FNIP1: variants seen among roughly 807,000 people sequenced by gnomAD.
The protein encoded by FNIP1 is folliculin-interacting protein 1.
A neutral mutation model predicts 124.5 loss-of-function variants in FNIP1; 40 were observed. The observed-to-expected ratio is 0.32, with a 90% CI of 0.25 to 0.42. FNIP1 has a LOEUF of 0.42. Among genes scored for constraint, FNIP1 ranks in the 10% least tolerant of loss-of-function variants. FNIP1 has a pLI of 1.00. For synonymous variants in FNIP1, 472 were observed against 470.6 expected (o/e 1.00, Z -0.04); for missense variants, 1,176 against 1,403.7 (o/e 0.84, Z 2.59).
At chr5:131,727,845 T>C (rs2149548113) in intron 3 of FNIP1, among the ~76,000 whole-genome samples, 1 of 152,388 alleles carries the variant, frequency 6.6e-6, no homozygotes, top group South Asian at 2.1e-4. Flanking sequence ...TAGTGCTTCC[T>C]TCAGGAGCTC....
chr5:131,717,616 T>TAAG (rs1483444906), intron 5 of FNIP1, among the ~76,000 whole-genome samples: 2 of 152,170 alleles, frequency 1.3e-5, no homozygotes, highest in Admixed American at 6.5e-5. Context: ...TACTGTAATA[T>TAAG]ATTACAAATA....
At chr5:131,771,662 TAAAGAA>T (rs1771636785) in intron 1 of FNIP1, among the ~76,000 whole-genome samples, 1 of 152,154 alleles carries the variant, frequency 6.6e-6, no homozygotes, top group East Asian at 1.9e-4. Context: ...CCTTTTACCT[TAAAGAA>T]AAAAGCGTTC....
chr5:131,750,288 G>A (rs552715958), intron 1 of FNIP1, among the ~76,000 whole-genome samples: 45 of 152,210 alleles, frequency 3.0e-4, no homozygotes, highest in Middle Eastern at 3.4e-3. Flanking sequence ...GAGGCAGTAC[G>A]GTCAAAGTGC....
chr5:131,734,771 A>G (rs1195980281), intron 2 of FNIP1, among the ~76,000 whole-genome samples: 2 of 152,170 alleles, frequency 1.3e-5, no homozygotes, highest in Non-Finnish European at 2.9e-5. Context: ...GATATCTCAC[A>G]CCAGTTAGAA....
intron 6 of FNIP1, among the ~76,000 whole-genome samples, chr5:131,714,424 A>C (rs1769399552): frequency 6.6e-6 from 1 of 152,130 alleles, no homozygotes; most frequent in South Asian, 2.1e-4. Context: ...CAAACCGTTA[A>C]AAAAAACAGG....
chr5:131,657,656 G>A (rs1265372993), intron 15 of FNIP1, among the ~76,000 whole-genome samples: 1 of 129,200 alleles, frequency 7.7e-6, no homozygotes, highest in Non-Finnish European at 1.6e-5. Flanking sequence ...TCCAGCTGGA[G>A]AAAACTGTGT....
At chr5:131,648,264 T>C (rs778650407) in intron 16 of FNIP1, among the ~76,000 whole-genome samples, 8 of 150,850 alleles carry the variant, frequency 5.3e-5, no homozygotes, top group Non-Finnish European at 1.0e-4. Context: ...TGAGGGTGCA[T>C]TGAGCCATGA....
chr5:131,681,604 C>A (rs1768082931), intron 11 of FNIP1, among the ~76,000 whole-genome samples: 1 of 151,258 alleles, frequency 6.6e-6, no homozygotes, highest in Non-Finnish European at 1.5e-5. Context: ...GGTAGAGAAT[C>A]TAATTTTCAA....
chr5:131,742,084 C>T (rs1042789869), intron 2 of FNIP1, among the ~76,000 whole-genome samples: 5 of 152,142 alleles, frequency 3.3e-5, no homozygotes, highest in African/African-American at 1.2e-4. Flanking sequence ...TTTTGCAAGG[C>T]TCACATTCTA....
At chr5:131,690,768 A>G (rs550561756) in intron 11 of FNIP1, among the ~76,000 whole-genome samples, 1 of 152,344 alleles carries the variant, frequency 6.6e-6, no homozygotes, top group Non-Finnish European at 1.5e-5. Context: ...TCAGAGATAA[A>G]GAGGGGCACT....
At chr5:131,718,765 T>G (rs1470977236) in intron 5 of FNIP1, among the ~76,000 whole-genome samples, 1 of 152,210 alleles carries the variant, frequency 6.6e-6, no homozygotes, top group Non-Finnish European at 1.5e-5. Context: ...TTCAACATTC[T>G]ACTTCCAGAT....
chr5:131,748,121 G>A (rs1211317573), intron 1 of FNIP1, among the ~76,000 whole-genome samples: 1 of 151,952 alleles, frequency 6.6e-6, no homozygotes, highest in Admixed American at 6.6e-5. Context: ...GGATAGTAGA[G>A]AGTAAAAAAG....
At chr5:131,744,719 A>C (rs1320694131) in intron 1 of FNIP1, 29 bp from the exon 2 acceptor site, 3 of 1,586,222 alleles carry the variant, frequency 1.9e-6, no homozygotes, top group Non-Finnish European at 8.6e-7. Flanking sequence ...AAAAGTAAAG[A>C]TCCATTAGAG....
intron 1 of FNIP1, among the ~76,000 whole-genome samples, chr5:131,753,614 T>C (rs1371982848): frequency 6.6e-6 from 1 of 152,196 alleles, no homozygotes; most frequent in Non-Finnish European, 1.5e-5. Context: ...GAGAAATGTA[T>C]ACTAAGGAAC....
chr5:131,677,692 AGATT>A lies in FNIP1; in HGVS notation c.1519+7_1519+10del, dbSNP rs1203910372. On this transcript the variant is annotated splice_region_variant and intron_variant, in intron 13 of 17. Transcript: ENST00000510461. ...TCTAATACATAGTGTAACAGTTGTCAGATTACATACCCAGTTGTGCCCAAAGTGG... is the reference window on the plus strand; with the variant it reads ...TCTAATACATAGTGTAACAGTTGTCAACATACCCAGTTGTGCCCAAAGTGG... The A allele has an allele frequency of 6.2e-7, 1 of 1,608,682 alleles. No homozygotes were observed. Among genetic ancestry groups the A allele is most frequent in the Admixed American group, 1.7e-5 (1 of 59,704 alleles).
chr5:131,793,212 T>C (rs536539990), intron 1 of FNIP1, among the ~76,000 whole-genome samples: 1 of 152,268 alleles, frequency 6.6e-6, no homozygotes, highest in South Asian at 2.1e-4. Context: ...TTTATATTTT[T>C]TGTAGAGACA....
Position 131,763,288 on chromosome 5 carries a change from TACACACAC to T in FNIP1, c.93-18606_93-18599del, listed in dbSNP as rs34544569. ...ATCTCACATACTTTGCAAATGCAAA[TACACACAC>T]ACACACACACACACACACACACACA... On this transcript the variant is annotated intron_variant, in intron 1 of 17. Transcript: ENST00000510461. Among the ~76,000 whole-genome samples, 566 of 148,464 alleles carry T rather than the reference TACACACAC, an allele frequency of 3.8e-3. 3 individuals carry two copies. The highest frequency in any genetic ancestry group is 0.013 in the African/African-American group (530 of 39,892).
chr5:131,740,051 A>G (rs1770462888), intron 2 of FNIP1, among the ~76,000 whole-genome samples: 2 of 152,176 alleles, frequency 1.3e-5, no homozygotes, highest in Admixed American at 1.3e-4. Context: ...TATTTTACAA[A>G]GCACTTTGGA....
At chr5:131,750,791 T>C (rs1286700421) in intron 1 of FNIP1, among the ~76,000 whole-genome samples, 2 of 152,042 alleles carry the variant, frequency 1.3e-5, no homozygotes, top group Non-Finnish European at 2.9e-5. Context: ...TTTTGTACTT[T>C]TAGTAGAAAT....
Sources: gnomAD v4.1 joint callset for allele counts (sites outside exome capture counted in the v4.1 genomes callset) on GRCh38, gnomAD v4.1.1 for gene constraint, MANE v1.5 for transcripts, NCBI Gene and HGNC (gene_info 2026-07-23, HGNC 2026-07-21) for gene names.